Variants in UBR4 observed in about 807,000 individuals in gnomAD.
The protein encoded by UBR4 is E3 ubiquitin-protein ligase UBR4.
UBR4 carries 124 observed loss-of-function variants against 575.6 expected under a neutral mutation model. The observed-to-expected ratio is 0.22, with a 90% CI of 0.19 to 0.25. The LOEUF (loss-of-function observed/expected upper bound fraction) is 0.25. UBR4 is among the 10% of genes least tolerant of loss of function. UBR4 has a pLI of 1.00. For synonymous variants in UBR4, 2,455 were observed against 2,473.7 expected, an observed-to-expected ratio of 0.99 and a Z score of 0.22; for missense variants, 4,818 against 6,478.8, an observed-to-expected ratio of 0.74 and a Z score of 8.80.
At chr1:19,095,731 A>G in intron 92 of UBR4, 79 bp from the exon 93 acceptor site, 1 of 1,343,304 alleles carries the variant, frequency 7.4e-7, no homozygotes, top group Non-Finnish European at 1.1e-6. Context: ...AGGGATGTCT[A>G]AGCAGGGTCT....
chr1:19,128,066 C>T lies in UBR4; in HGVS notation c.9111+145G>A, dbSNP rs185465634. ...CTCGGGCCAAAGCAGGCCCTGAATACGCTTTTGTTGACTCAACAGAATGCA... is the reference window on the plus strand; with the variant it reads ...CTCGGGCCAAAGCAGGCCCTGAATATGCTTTTGTTGACTCAACAGAATGCA... On this transcript the variant is annotated intron_variant, in intron 62 of 105. Transcript: ENST00000375254. 1.3e-3 allele frequency: 1,043 copies of T among 794,428 alleles called. 1 individual carries two copies. Among genetic ancestry groups the T allele is most frequent in the Non-Finnish European group, 1.9e-3 (929 of 480,022 alleles). 49.2% of individuals were successfully genotyped at this position (794,428 alleles called of 1,614,324 possible). A position where few individuals can be genotyped will look rare whatever the true frequency, so the allele number is the denominator to read the frequency against.
intron 2 of UBR4, 134 bp from the exon 3 acceptor site, chr1:19,199,888 G>C: frequency 1.4e-6 from 1 of 717,746 alleles, no homozygotes; most frequent in African/African-American, 1.8e-5. Flanking sequence ...AACCCAAGGG[G>C]TAAACAAAGG....
At chr1:19,155,297 G>T in intron 43 of UBR4, 144 bp downstream of exon 43, 2 of 1,054,510 alleles carry the variant, frequency 1.9e-6, no homozygotes, top group Non-Finnish European at 2.7e-6. Context: ...TAGAAAGTTA[G>T]ATGGAAAAAC....
chr1:19,134,436 C>A (rs1010011083), intron 60 of UBR4, among the ~76,000 whole-genome samples: 9 of 152,022 alleles, frequency 5.9e-5, no homozygotes, highest in Admixed American at 2.0e-4. Flanking sequence ...AAACAAGAAA[C>A]AACAAGAATA....
intron 8 of UBR4, 134 bp downstream of exon 8, chr1:19,197,007 G>C: frequency 9.3e-7 from 1 of 1,080,088 alleles, no homozygotes; most frequent in Admixed American, 2.5e-5. Flanking sequence ...ATTTCACCTT[G>C]ATGCGACGTT....
rs1200592479 is a variant in UBR4 at position 19,086,784 on chromosome 1, C to T, written c.14582G>A (p.Arg4861Gln). The T allele has an allele frequency of 2.0e-5, 32 of 1,614,070 alleles. No homozygotes were observed. Among genetic ancestry groups the T allele is most frequent in the East Asian group, 4.5e-5 (2 of 44,898 alleles). ...ATTCTCCATCTCCTCCAAGGCTACC[C>T]GCTTCGTGAAGGTATAAATGCCCAG... ...KVLGIYTFTK[R>Q]VALEEMENKP... is the part of the protein sequence containing the mutation. The change falls in exon 100 of 106, where the codon CGG (arginine) becomes CAG (glutamine). Residue 4861 changes from arginine to glutamine, a missense_variant. By Grantham distance (43) the Arg-to-Gln change is conservative. Around this residue, in one of 29 missense-constraint regions of UBR4, gnomAD observed 196 missense variants for 386.8 expected, o/e 0.51. Coordinates refer to ENST00000375254, the MANE Select transcript of UBR4 (RefSeq NM_020765.3).
intron 8 of UBR4, 65 bp downstream of exon 8, chr1:19,197,076 A>G: frequency 6.4e-7 from 1 of 1,574,462 alleles, no homozygotes; most frequent in Non-Finnish European, 8.6e-7. Flanking sequence ...GAGGATTTTC[A>G]TGGTTTCCTG....
intron 70 of UBR4, 138 bp from the exon 71 acceptor site, chr1:19,119,095 C>A (rs188211875): frequency 1.8e-5 from 13 of 724,298 alleles, no homozygotes; most frequent in African/African-American, 3.6e-5. Flanking sequence ...CAAAGCTGGG[C>A]CTAATTTCAA....
intron 1 of UBR4, among the ~76,000 whole-genome samples, chr1:19,202,433 C>T (rs2092787461): frequency 6.6e-6 from 1 of 152,110 alleles, no homozygotes; most frequent in Non-Finnish European, 1.5e-5. Context: ...CCAGAATACT[C>T]AATATACTGT....
intron 92 of UBR4, 41 bp downstream of exon 92, chr1:19,096,482 G>A (rs369216571): frequency 4.6e-5 from 74 of 1,600,656 alleles, no homozygotes; most frequent in Non-Finnish European, 5.9e-5. Flanking sequence ...CTCTCCCAGT[G>A]CAGAAAGGCT....
At chr1:19,095,086 AC>A (rs1295151381) in intron 93 of UBR4, 61 bp from the exon 94 acceptor site, 21 of 1,612,012 alleles carry the variant, frequency 1.3e-5, no homozygotes, top group Non-Finnish European at 1.7e-6. Flanking sequence ...ACTGCTGAGG[AC>A]AATTGCTCTC....
At chr1:19,106,087 T>A (rs2149188282) in intron 83 of UBR4, among the ~76,000 whole-genome samples, 1 of 152,328 alleles carries the variant, frequency 6.6e-6, no homozygotes. Flanking sequence ...AGAACATACC[T>A]ACAATAAGTG....
At position 19,183,817 on chromosome 1, in the gene UBR4, G is replaced by C; in HGVS notation, c.2178C>G (p.Asn726Lys). The part of the protein sequence containing the change: ...SLVTSDLQSP[N>K]LQNTLLQQLG... ...GGTCACAGCACACACAAACCTGCAG[G>C]TTAGGTGACTGAAGGTCAGAGGTTA... The change falls in exon 17 of 106, where the codon AAC (asparagine) becomes AAG (lysine). Residue 726 changes from asparagine (N) to lysine (K), a missense_variant. This residue lies in a region of UBR4 where 1,172 missense variants were observed against 1,259.7 expected (regional missense o/e 0.93). Coordinates refer to ENST00000375254, the MANE Select transcript of UBR4 (RefSeq NM_020765.3). The C allele has an allele frequency of 6.2e-7, 1 of 1,614,130 alleles. No individual in the cohort carries two copies. Among genetic ancestry groups the C allele is most frequent in the Non-Finnish European group, 8.5e-7 (1 of 1,179,986 alleles).
chr1:19,117,153 AC>A lies in UBR4; in HGVS notation c.10823+67del. On this transcript the variant is annotated intron_variant, in intron 73 of 105. Transcript: ENST00000375254. This position sits in a 1 kb window ranked among gnomAD's most constrained non-coding sequence, Gnocchi z 4.0. ...TGTGCTGCCTTACTCCATTCCAGGAACCGAAGGCAGCAACTGAGCTTCAGCC... is the reference window on the plus strand; with the variant it reads ...TGTGCTGCCTTACTCCATTCCAGGAACGAAGGCAGCAACTGAGCTTCAGCC... 1 of 1,557,382 alleles carries A rather than the reference AC, an allele frequency of 6.4e-7. No homozygotes were observed. The highest frequency in any genetic ancestry group is 8.8e-7 in the Non-Finnish European group (1 of 1,141,454).
At chr1:19,209,233 G>A (rs913346368) in intron 1 of UBR4, among the ~76,000 whole-genome samples, 13 of 152,166 alleles carry the variant, frequency 8.5e-5, no homozygotes, top group Non-Finnish European at 1.3e-4. Context: ...GGTATGGCTA[G>A]AAAAATGAAA....
intron 102 of UBR4, chr1:19,082,249 T>G (rs2076593010): frequency 6.0e-6 from 1 of 167,502 alleles, no homozygotes. Context: ...TGCCAGGCAC[T>G]GCTCTAAGTG....
chr1:19,079,787 G>C (rs940367659), intron 103 of UBR4: 1 of 152,264 alleles, frequency 6.6e-6, no homozygotes, highest in East Asian at 1.9e-4. Flanking sequence ...CACGGCCCCG[G>C]ACCACGGCCG....
At position 19,100,454 on chromosome 1, in the gene UBR4, C is replaced by T. The variant is rs111323489; in HGVS notation, c.13143G>A (p.Pro4381=). The change falls in exon 89 of 106, where the codon CCG becomes CCA. Residue 4381 remains proline (P), a synonymous_variant. Coordinates refer to ENST00000375254, the MANE Select transcript of UBR4 (RefSeq NM_020765.3). This position sits in a 1 kb window ranked among gnomAD's most constrained non-coding sequence, Gnocchi z 4.2. The stretch of plus-strand genomic sequence containing the variant: ...TCTTGTTCTTTATATCCCTCATCAG[C>T]GGCCCGATGCCTGGCTCATTGCTGC... ...PYSSNEPGIG[P]LMRDIKNKIC... 1.4e-5 allele frequency: 22 copies of T among 1,614,150 alleles called. No individual in the cohort carries two copies. Among genetic ancestry groups the T allele is most frequent in the East Asian group, 4.5e-5 (2 of 44,862 alleles).
At position 19,152,338 on chromosome 1, in the gene UBR4, G is replaced by A. The variant is rs749654900; in HGVS notation, c.6971C>T (p.Thr2324Ile). Reference sequence around the variant, plus strand: ...CTTGGTGTTGGCCACATACATGCCAGTGGAATTCAGCCGGTGTTTTATCTG... The same window carrying A: ...CTTGGTGTTGGCCACATACATGCCAATGGAATTCAGCCGGTGTTTTATCTG... ...AQQIKHRLNS[T>I]GMYVANTKPG... The change falls in exon 47 of 106, where the codon ACT becomes ATT. Residue 2324 changes from threonine (T) to isoleucine (I), a missense_variant. Transcript: ENST00000375254. The surrounding 1 kb of genome is among the most constrained non-coding windows in gnomAD (Gnocchi z 4.4). 6.2e-7 allele frequency: 1 copy of A among 1,613,946 alleles called. No individual in the cohort carries two copies.
Sources: gnomAD v4.1 joint callset for allele counts (sites outside exome capture counted in the v4.1 genomes callset) on GRCh38, gnomAD v4.1.1 for gene constraint, gnomAD v4.1.1 regional missense constraint, Gnocchi (gnomAD v3.1) non-coding constraint, MANE v1.5 for transcripts, NCBI Gene and HGNC (gene_info 2026-07-23, HGNC 2026-07-21) for gene names.